Variants in PSMF1 observed in about 807,000 individuals in gnomAD.
The protein encoded by PSMF1 is proteasome inhibitor PI31 subunit.
PSMF1 carries 30 observed loss-of-function variants against 29.3 expected under a neutral mutation model. The ratio of observed to expected loss-of-function variants is 1.02; its 90% CI spans 0.77 to 1.39. The LOEUF (loss-of-function observed/expected upper bound fraction) is 1.39. Among genes scored for constraint, PSMF1 ranks in the 40% most tolerant of loss-of-function variants. The pLI is 0.00. For synonymous variants in PSMF1, 134 were observed against 139.7 expected (o/e 0.96, Z 0.29); for missense variants, 344 against 357.5 (o/e 0.96, Z 0.31).
At chr20:1,116,081 G>A (rs565348265), upstream of PSMF1, among the ~76,000 whole-genome samples, 10 of 150,840 alleles carry the variant, frequency 6.6e-5, no homozygotes, top group South Asian at 1.5e-3. Context: ...ATAGGGACAG[G>A]AACCTGTTCA....
chr20:1,159,124 A>G (rs186883196), intron 4 of PSMF1, among the ~76,000 whole-genome samples: 1 of 152,098 alleles, frequency 6.6e-6, no homozygotes, highest in East Asian at 1.9e-4. Context: ...AGAAGTCTTC[A>G]TGTGTTGCAG....
upstream of PSMF1, among the ~76,000 whole-genome samples, chr20:1,116,861 G>A (rs992311945): frequency 6.6e-6 from 1 of 152,132 alleles, no homozygotes; most frequent in Admixed American, 6.5e-5. Context: ...GTTGAGGATG[G>A]TAGGAGTGAG....
At chr20:1,119,980 G>C (rs1163549606) in intron 1 of PSMF1, among the ~76,000 whole-genome samples, 1 of 96,066 alleles carries the variant, frequency 1.0e-5, no homozygotes, top group African/African-American at 3.6e-5. Flanking sequence ...TTCTCAAATA[G>C]AGTCTTAATT....
rs1417921930 is a variant in PSMF1, at chr20:1,171,426, A to G, written c.*6346A>G. 6.6e-6 allele frequency among the ~76,000 whole-genome samples: 1 copy of G among 152,132 alleles called. No homozygotes were observed. Among genetic ancestry groups the G allele is most frequent in the Non-Finnish European group, 1.5e-5 (1 of 68,018 alleles). On this transcript the variant is annotated 3_prime_UTR_variant, in exon 7 of 7. Transcript: ENST00000335877. ...CTCACCTCGGCCTTCTGAGTTTAGT[A>G]GGATGGCAGCTAGTCTTCCCTATTG... is the stretch of plus-strand genomic sequence containing the variant.
At chr20:1,158,276 C>T (rs764933188) in intron 4 of PSMF1, among the ~76,000 whole-genome samples, 2 of 152,192 alleles carry the variant, frequency 1.3e-5, no homozygotes, top group South Asian at 2.1e-4. Flanking sequence ...CTCAGTAAAT[C>T]GCAGCAGCTG....
chr20:1,115,989 C>A (rs573342449), upstream of PSMF1, among the ~76,000 whole-genome samples: 3 of 151,544 alleles, frequency 2.0e-5, no homozygotes, highest in East Asian at 3.9e-4. Flanking sequence ...CCTCAGCCTC[C>A]CAAAGTGCTG....
chr20:1,117,563 C>CA (rs1248959965), upstream of PSMF1, among the ~76,000 whole-genome samples: 1 of 152,190 alleles, frequency 6.6e-6, no homozygotes, highest in African/African-American at 2.4e-5. Flanking sequence ...AGGCTGGTCT[C>CA]AAACTCCTGA....
intron 4 of PSMF1, among the ~76,000 whole-genome samples, chr20:1,139,001 C>T (rs2122524385): frequency 6.6e-6 from 1 of 152,166 alleles, no homozygotes; most frequent in Non-Finnish European, 1.5e-5. Flanking sequence ...CATGGTGAAA[C>T]CCTGTCTCTA....
Position 1,166,343 on chromosome 20 carries a change from T to C in PSMF1, c.*1263T>C. ...GCGGTAGTCACTTCCGCTCTGCAGC[T>C]AGCATTTCAACCATATGTGGATCCT... On this transcript the variant is annotated 3_prime_UTR_variant, in exon 7 of 7. Coordinates refer to ENST00000335877, the MANE Select transcript of PSMF1 (RefSeq NM_006814.5). The C allele has an allele frequency of 7.5e-7, 1 of 1,335,122 alleles. No homozygotes were observed. The highest frequency in any genetic ancestry group is 1.1e-6 in the Non-Finnish European group (1 of 942,364). The allele number at this position is 1,335,122 out of a possible 1,614,324, so 82.7% of individuals were successfully genotyped here.
intron 1 of PSMF1, among the ~76,000 whole-genome samples, chr20:1,120,188 AG>A (rs1156921443): frequency 1.3e-5 from 2 of 152,112 alleles, no homozygotes; most frequent in African/African-American, 4.8e-5. Context: ...AAGAACCGTC[AG>A]GGATTTCTGG....
chr20:1,165,299 T>A lies in PSMF1; in HGVS notation c.*219T>A. On this transcript the variant is annotated 3_prime_UTR_variant, in exon 7 of 7. Transcript: ENST00000335877. ...TAGCTCCCAAAGAGAAATCAGTGTG[T>A]CTCTTTCACCATCAGCTCCTCCCCT... 1.4e-6 allele frequency: 2 copies of A among 1,409,368 alleles called. No homozygotes were observed. Among genetic ancestry groups the A allele is most frequent in the Non-Finnish European group, 1.8e-6 (2 of 1,085,326 alleles). 87.3% of individuals were successfully genotyped at this position (1,409,368 alleles called of 1,614,324 possible).
chr20:1,113,755 C>T (rs1401679728), upstream of PSMF1, among the ~76,000 whole-genome samples: 10 of 152,122 alleles, frequency 6.6e-5, no homozygotes, highest in Non-Finnish European at 1.2e-4. Context: ...TGCAGTGGCG[C>T]GATCTCAGCT....
chr20:1,161,265 T>C, intron 4 of PSMF1: 1 of 321,382 alleles, frequency 3.1e-6, no homozygotes. Context: ...CACCGCTATG[T>C]CATCCTTCTC....
At chr20:1,119,050 T>C (rs1367738225) in intron 1 of PSMF1, 148 bp downstream of exon 1, 29 of 1,154,650 alleles carry the variant, frequency 2.5e-5, no homozygotes, top group Non-Finnish European at 3.5e-5. Context: ...AACCTGCGGG[T>C]CGGAGGTTGC....
In PSMF1 at chr20:1,166,233, G is replaced by C; in HGVS notation, c.*1153G>C. On this transcript the variant is annotated 3_prime_UTR_variant, in exon 7 of 7. Coordinates refer to ENST00000335877, the MANE Select transcript of PSMF1 (RefSeq NM_006814.5). Reference sequence around the variant, plus strand: ...TTCTCCGGATCCTTTTCAGCCCGAGGCCTGACAGACGCGGGCAGTGATGAG... The same window carrying C: ...TTCTCCGGATCCTTTTCAGCCCGAGCCCTGACAGACGCGGGCAGTGATGAG... 1 of 1,612,482 alleles carries C rather than the reference G, an allele frequency of 6.2e-7. No homozygotes were observed. The highest frequency in any genetic ancestry group is 8.5e-7 in the Non-Finnish European group (1 of 1,179,772).
rs778794576 is a variant in PSMF1, at chr20:1,163,021, A to G, written c.552-109A>G. ...ACCACCCTGAAATATCCCTTGTGCT[A>G]TGGTCTCATGCAAGGGTTTCCCATG... On this transcript the variant is annotated intron_variant, in intron 4 of 6. Coordinates refer to ENST00000335877, the MANE Select transcript of PSMF1 (RefSeq NM_006814.5). This position sits in a 1 kb window ranked among gnomAD's most constrained non-coding sequence, Gnocchi z 6.1. 2 of 1,151,708 alleles carry G rather than the reference A, an allele frequency of 1.7e-6. No homozygotes were observed. Among genetic ancestry groups the G allele is most frequent in the Non-Finnish European group, 2.6e-6 (2 of 780,138 alleles). The allele number at this position is 1,151,708 out of a possible 1,614,324, so 71.3% of individuals were successfully genotyped here. A position where few individuals can be genotyped will look rare whatever the true frequency, so the allele number is the denominator to read the frequency against.
In PSMF1 at chr20:1,170,447, G is replaced by A. The variant is rs2086779331; in HGVS notation, c.*5367G>A. ...TTCCTTTGCCCCCATGGGTCACTTA[G>A]ATGTGTTTCATGTTATCTTTAAAAA... is the stretch of plus-strand genomic sequence containing the variant. On this transcript the variant is annotated 3_prime_UTR_variant, in exon 7 of 7. Coordinates refer to ENST00000335877, the MANE Select transcript of PSMF1 (RefSeq NM_006814.5). 6.6e-6 allele frequency among the ~76,000 whole-genome samples: 1 copy of A among 152,148 alleles called. No homozygotes were observed. The highest frequency in any genetic ancestry group is 2.4e-5 in the African/African-American group (1 of 41,422).
At chr20:1,127,870 G>A (rs962358563) in intron 3 of PSMF1, among the ~76,000 whole-genome samples, 1 of 152,058 alleles carries the variant, frequency 6.6e-6, no homozygotes, top group Non-Finnish European at 1.5e-5. Context: ...TTTTCTTTAG[G>A]GTCGTTTTAG....
In PSMF1 at chr20:1,168,436, C is replaced by T. The variant is rs1314955875; in HGVS notation, c.*3356C>T. ...ACCATTTCTATGATGTACCAGCAGC[C>T]CCCACATCACACCTCCTCTTCCTTG... On this transcript the variant is annotated 3_prime_UTR_variant, in exon 7 of 7. Coordinates refer to ENST00000335877, the MANE Select transcript of PSMF1 (RefSeq NM_006814.5). 6.6e-6 allele frequency: 1 copy of T among 152,224 alleles called. No homozygotes were observed. Among genetic ancestry groups the T allele is most frequent in the Non-Finnish European group, 1.5e-5 (1 of 68,058 alleles). The allele number at this position is 152,224 out of a possible 1,614,324, so 9.4% of individuals were successfully genotyped here.
Sources: allele counts gnomAD v4.1 joint callset (sites outside exome capture counted in the v4.1 genomes callset), GRCh38; gene constraint gnomAD v4.1.1; non-coding constraint Gnocchi (gnomAD v3.1); transcripts MANE v1.5; gene names NCBI Gene and HGNC (gene_info 2026-07-23, HGNC 2026-07-21).